The following KCNH7 variants were observed in gnomAD, a reference collection of about 807,000 sequenced individuals.
KCNH7 encodes voltage-gated inwardly rectifying potassium channel KCNH7.
A neutral mutation model predicts 120.8 loss-of-function variants in KCNH7; 49 were observed. The observed-to-expected ratio is 0.41, with a 90% confidence interval of 0.32 to 0.51. The LOEUF (loss-of-function observed/expected upper bound fraction) is 0.51. Ranked by LOEUF, KCNH7 falls within the 20% of genes least tolerant of loss-of-function variation. KCNH7 has a pLI of 0.38. For synonymous variants in KCNH7, 547 were observed against 516.1 expected, an observed-to-expected ratio of 1.06 and a Z score of -0.81; for missense variants, 1,097 against 1,446.6, an observed-to-expected ratio of 0.76 and a Z score of 3.92.
intron 2 of KCNH7, among the ~76,000 whole-genome samples, chr2:162,699,889 G>A (rs1188826529): frequency 6.6e-6 from 1 of 151,986 alleles, no homozygotes; most frequent in Non-Finnish European, 1.5e-5. Flanking sequence ...TTTGTTTTCT[G>A]AAATAAATAA....
At chr2:162,436,118 G>A (rs1488603878) in intron 7 of KCNH7, among the ~76,000 whole-genome samples, 2 of 152,080 alleles carry the variant, frequency 1.3e-5, no homozygotes, top group African/African-American at 4.8e-5. Context: ...GTGCCATGAT[G>A]ATAGTAAGCA....
intron 6 of KCNH7, among the ~76,000 whole-genome samples, chr2:162,455,647 C>T (rs1688938521): frequency 6.6e-6 from 1 of 152,130 alleles, no homozygotes; most frequent in African/African-American, 2.4e-5. Context: ...GATTTGATTT[C>T]TTACTGGTTG....
chr2:162,701,148 G>T (rs1348278825), intron 2 of KCNH7, among the ~76,000 whole-genome samples: 1 of 152,040 alleles, frequency 6.6e-6, no homozygotes, highest in Non-Finnish European at 1.5e-5. Context: ...TTCCAAAGAA[G>T]TCACTGGGAA....
intron 2 of KCNH7, among the ~76,000 whole-genome samples, chr2:162,560,066 T>C (rs1041789311): frequency 6.6e-6 from 1 of 152,200 alleles, no homozygotes. Flanking sequence ...CTGTCTCTCT[T>C]TGGTGATAAA....
intron 5 of KCNH7, among the ~76,000 whole-genome samples, chr2:162,508,787 C>T (rs1690969981): frequency 6.6e-6 from 1 of 151,332 alleles, no homozygotes; most frequent in African/African-American, 2.4e-5. Flanking sequence ...GAAAGGCAGC[C>T]TCACTGAGAG....
At chr2:162,500,750 G>A (rs529998630) in intron 6 of KCNH7, among the ~76,000 whole-genome samples, 19 of 152,032 alleles carry the variant, frequency 1.2e-4, no homozygotes, top group African/African-American at 4.6e-4. Flanking sequence ...AAAGAACATT[G>A]GATTAAGGAA....
chr2:162,825,636 T>G (rs564226434), intron 2 of KCNH7, among the ~76,000 whole-genome samples: 4 of 152,196 alleles, frequency 2.6e-5, no homozygotes, highest in Non-Finnish European at 4.4e-5. Context: ...TTTGGTACAT[T>G]TGTACAACAG....
At position 162,371,624 on chromosome 2, in the gene KCNH7, A is replaced by C; in HGVS notation, c.*205T>G. On this transcript the variant is annotated 3_prime_UTR_variant, in exon 16 of 16. Coordinates refer to ENST00000332142, the MANE Select transcript of KCNH7 (RefSeq NM_033272.4). ...GCCGTGAGATGCTGGCAGTTTTAAC[A>C]TTTGGAACCAAAAGTTCTTATGTAT... is the stretch of plus-strand genomic sequence containing the variant. The C allele has an allele frequency of 1.3e-6, 1 of 795,686 alleles. No homozygotes were observed. The allele number at this position is 795,686 out of a possible 1,614,324, so 49.3% of individuals were successfully genotyped here.
chr2:162,602,367 TCCA>T (rs1450404390), intron 2 of KCNH7, among the ~76,000 whole-genome samples: 1 of 152,070 alleles, frequency 6.6e-6, no homozygotes, highest in Non-Finnish European at 1.5e-5. Flanking sequence ...TGTTTGAAAT[TCCA>T]CCAAGGTTAG....
chr2:162,637,837 T>C (rs1484645515), intron 2 of KCNH7, among the ~76,000 whole-genome samples: 1 of 152,116 alleles, frequency 6.6e-6, no homozygotes, highest in East Asian at 1.9e-4. Context: ...CATGCTGGTT[T>C]ACATGTAAGT....
At chr2:162,501,450 G>A (rs768690165) in intron 6 of KCNH7, among the ~76,000 whole-genome samples, 54 of 152,010 alleles carry the variant, frequency 3.6e-4, no homozygotes, top group Non-Finnish European at 6.5e-4. Context: ...GAAGCTTTAG[G>A]AAAACTCTGG....
chr2:162,758,288 C>T (rs1688854646), intron 2 of KCNH7, among the ~76,000 whole-genome samples: 1 of 152,012 alleles, frequency 6.6e-6, no homozygotes, highest in African/African-American at 2.4e-5. Flanking sequence ...TTGGGCAGGA[C>T]CCAGTATAAG....
chr2:162,831,563 C>T (rs1184446698), intron 2 of KCNH7, among the ~76,000 whole-genome samples: 1 of 152,174 alleles, frequency 6.6e-6, no homozygotes, highest in East Asian at 1.9e-4. Flanking sequence ...ACTTAATACA[C>T]CAACTGTTAC....
At chr2:162,734,042 A>G (rs986523866) in intron 2 of KCNH7, among the ~76,000 whole-genome samples, 6 of 152,138 alleles carry the variant, frequency 3.9e-5, no homozygotes, top group Non-Finnish European at 7.4e-5. Flanking sequence ...ACTGGCAGTG[A>G]CTATAATTTG....
intron 13 of KCNH7, among the ~76,000 whole-genome samples, chr2:162,381,477 G>A (rs1051381110): frequency 3.9e-5 from 6 of 151,960 alleles, no homozygotes; most frequent in Non-Finnish European, 7.4e-5. Flanking sequence ...CTTTCTTCAT[G>A]GTTTTCCTCT....
intron 6 of KCNH7, among the ~76,000 whole-genome samples, chr2:162,484,316 C>T (rs889758911): frequency 3.3e-5 from 5 of 151,896 alleles, no homozygotes; most frequent in Admixed American, 2.0e-4. Context: ...GAAGCGAGTT[C>T]GTTGAATCTG....
chr2:162,645,631 C>G (rs1317952951), intron 2 of KCNH7, among the ~76,000 whole-genome samples: 1 of 152,134 alleles, frequency 6.6e-6, no homozygotes, highest in South Asian at 2.1e-4. Flanking sequence ...TTTATCTAGA[C>G]TTTTTTAGGT....
At chr2:162,519,256 A>C (rs1047967458) in intron 3 of KCNH7, among the ~76,000 whole-genome samples, 3 of 151,856 alleles carry the variant, frequency 2.0e-5, no homozygotes, top group Non-Finnish European at 4.4e-5. Context: ...AAAACTAGAA[A>C]AAATTGGATT....
At chr2:162,505,112 T>C (rs1690826029) in intron 5 of KCNH7, among the ~76,000 whole-genome samples, 1 of 151,984 alleles carries the variant, frequency 6.6e-6, no homozygotes, top group African/African-American at 2.4e-5. Flanking sequence ...CTCCCCTGTC[T>C]GTGTCACTGA....
Sources: gnomAD v4.1 joint callset for allele counts (sites outside exome capture counted in the v4.1 genomes callset) on GRCh38, gnomAD v4.1.1 for gene constraint, MANE v1.5 for transcripts, NCBI Gene and HGNC (gene_info 2026-07-23, HGNC 2026-07-21) for gene names.